PREPL: variants seen among roughly 807,000 people sequenced by gnomAD.
The protein encoded by PREPL is prolyl endopeptidase like, also known as prolyl endopeptidase-like.
In PREPL, 77 loss-of-function variants were observed where a neutral mutation model predicts 70.6. That is an observed-to-expected ratio of 1.09 (90% CI 0.91 to 1.32). The LOEUF (loss-of-function observed/expected upper bound fraction) is 1.32. Ranked by LOEUF, PREPL falls within the 40% of genes most tolerant of loss-of-function variation. PREPL has a pLI of 0.00. For missense variants in PREPL, 1,002 were observed against 778.2 expected (o/e 1.29, Z -3.42); for synonymous variants, 315 against 264.8 (o/e 1.19, Z -1.84).
chr2:44,319,943 A>T lies in PREPL; in HGVS notation c.*1413T>A, dbSNP rs140023191. 189 of 459,184 alleles carry T rather than the reference A, an allele frequency of 4.1e-4. No homozygotes were observed. In the East Asian group the frequency reaches 6.7e-3, roughly 16 times the overall value. 28.4% of individuals were successfully genotyped at this position (459,184 alleles called of 1,614,324 possible). On this transcript the variant is annotated 3_prime_UTR_variant, in exon 14 of 14. Transcript: ENST00000409411. ...TAAAGTGGAGTCAAATTTGATCTCT[A>T]CAGAAACTCTACAATGTAGCAGAGC...
At chr2:44,321,697 C>T (rs1046555757) in intron 13 of PREPL, 130 bp downstream of exon 13, 1 of 1,574,932 alleles carries the variant, frequency 6.3e-7, no homozygotes, top group Non-Finnish European at 8.6e-7. Context: ...CCCTCCCCTC[C>T]TGGGTCTCAC....
intron 1 of PREPL, among the ~76,000 whole-genome samples, chr2:44,355,367 C>T (rs993735197): frequency 2.6e-5 from 4 of 152,056 alleles, no homozygotes; most frequent in East Asian, 3.9e-4. Flanking sequence ...GCCAACATGG[C>T]GAAACCCTGT....
rs149773747 is a variant in PREPL at position 44,348,096 on chromosome 2, C to T, written c.-48-1706G>A. Among the ~76,000 whole-genome samples the T allele has an allele frequency of 3.5e-3, 525 of 152,146 alleles. 2 individuals carry two copies. The highest frequency in any genetic ancestry group is 0.012 in the African/African-American group (486 of 41,508). On this transcript the variant is annotated intron_variant, in intron 1 of 13. Transcript: ENST00000409411. ...TAAGAGACAGGGTCTCACTATGTTG[C>T]CCAGGCTGGACTCAAACTCCTGGGC...
Position 44,329,159 on chromosome 2 carries a change from T to C in PREPL, c.1087-47A>G, listed in dbSNP as rs2033951. The C allele has an allele frequency of 0.76, 1,113,512 of 1,467,264 alleles. 428,969 individuals are homozygous for C. Among genetic ancestry groups the C allele is most frequent in the Non-Finnish European group, 0.8 (848,446 of 1,064,864 alleles). The allele number at this position is 1,467,264 out of a possible 1,614,324, so 90.9% of individuals were successfully genotyped here. A position where few individuals can be genotyped will look rare whatever the true frequency, so the allele number is the denominator to read the frequency against. On this transcript the variant is annotated intron_variant, in intron 8 of 13. Coordinates refer to ENST00000409411, the MANE Select transcript of PREPL (RefSeq NM_001171613.2). ...GTATGTAAAGAAGAGTCTTTTATAA[T>C]AACTGTTTTATCCCAATTTAAAATA... is the stretch of plus-strand genomic sequence containing the variant.
At position 44,319,949 on chromosome 2, in the gene PREPL, ACT is replaced by A. The variant is rs1158947675; in HGVS notation, c.*1405_*1406del. On this transcript the variant is annotated 3_prime_UTR_variant, in exon 14 of 14. Coordinates refer to ENST00000409411, the MANE Select transcript of PREPL (RefSeq NM_001171613.2). Reference sequence around the variant, plus strand: ...GGAGTCAAATTTGATCTCTACAGAAACTCTACAATGTAGCAGAGCACTGTGCG... The same window carrying A: ...GGAGTCAAATTTGATCTCTACAGAAACTACAATGTAGCAGAGCACTGTGCG... The A allele has an allele frequency of 8.5e-6, 4 of 470,512 alleles. No individual in the cohort carries two copies. Among genetic ancestry groups the A allele is most frequent in the East Asian group, 4.0e-5 (1 of 24,730 alleles). 29.1% of individuals were successfully genotyped at this position (470,512 alleles called of 1,614,324 possible).
chr2:44,347,260 C>T (rs1675928579), intron 1 of PREPL: 1 of 152,182 alleles, frequency 6.6e-6, no homozygotes, highest in South Asian at 2.1e-4. Flanking sequence ...CACCTGAGCC[C>T]AGGAGGTTGA....
chr2:44,336,174 A>G (rs1674618366), intron 7 of PREPL, among the ~76,000 whole-genome samples: 1 of 152,210 alleles, frequency 6.6e-6, no homozygotes, highest in Non-Finnish European at 1.5e-5. Flanking sequence ...CAGAACTACT[A>G]TTTGACTCAG....
intron 1 of PREPL, among the ~76,000 whole-genome samples, chr2:44,350,428 A>C (rs1391827362): frequency 6.6e-6 from 1 of 152,134 alleles, no homozygotes; most frequent in Non-Finnish European, 1.5e-5. Flanking sequence ...TTAGGAATAG[A>C]GAGGAACTTC....
At chr2:44,354,578 C>CTT (rs59897288) in intron 1 of PREPL, among the ~76,000 whole-genome samples, 2 of 146,874 alleles carry the variant, frequency 1.4e-5, no homozygotes, top group South Asian at 2.1e-4. Context: ...TTCCTCCTCT[C>CTT]TTTTTTTTTT....
At chr2:44,330,376 G>C (rs960366434) in intron 8 of PREPL, among the ~76,000 whole-genome samples, 1 of 152,122 alleles carries the variant, frequency 6.6e-6, no homozygotes, top group Non-Finnish European at 1.5e-5. Context: ...CAAGAACATG[G>C]TGCTTAACTG....
In PREPL at chr2:44,339,414, T is replaced by C. The variant is rs1176123434; in HGVS notation, c.486-51A>G. ...ATCACAGTTTATTTCAGATGCATGC[T>C]ACCTTGTTAAGGACAGTATCTCAGA... is the stretch of plus-strand genomic sequence containing the variant. On this transcript the variant is annotated intron_variant, in intron 5 of 13. Coordinates refer to ENST00000409411, the MANE Select transcript of PREPL (RefSeq NM_001171613.2). The C allele has an allele frequency of 2.6e-6, 4 of 1,561,172 alleles. No homozygotes were observed. In the South Asian group the frequency reaches 3.4e-5, roughly 13 times the overall value.
At position 44,321,007 on chromosome 2, in the gene PREPL, T is replaced by C; in HGVS notation, c.*349A>G. 3 of 382,440 alleles carry C rather than the reference T, an allele frequency of 7.8e-6. No individual in the cohort carries two copies. Among genetic ancestry groups the C allele is most frequent in the Non-Finnish European group, 1.4e-5 (3 of 208,144 alleles). The allele number at this position is 382,440 out of a possible 1,614,324, so 23.7% of individuals were successfully genotyped here. A position where few individuals can be genotyped will look rare whatever the true frequency, so the allele number is the denominator to read the frequency against. ...CTCACTGCCACAGTGTCTAAAAGCA[T>C]TTGCTAGCAAAGAGGCAGGACACTA... On this transcript the variant is annotated 3_prime_UTR_variant, in exon 14 of 14. Coordinates refer to ENST00000409411, the MANE Select transcript of PREPL (RefSeq NM_001171613.2).
At chr2:44,343,696 T>C (rs961109227) in intron 4 of PREPL, 49 bp downstream of exon 4, 3 of 1,526,806 alleles carry the variant, frequency 2.0e-6, no homozygotes, top group Admixed American at 1.7e-5. Flanking sequence ...GTTTCAAAAG[T>C]GTTACCGTTG....
In PREPL at chr2:44,340,576, G is replaced by A. The variant is rs558096568; in HGVS notation, c.486-1213C>T. Among the ~76,000 whole-genome samples the A allele has an allele frequency of 1.1e-4, 16 of 152,220 alleles. No individual in the cohort carries two copies. In the South Asian group the frequency reaches 3.3e-3, roughly 32 times the overall value. ...TCGTTATTTCTTTTGTGAAATGTGT[G>A]TCTATTTTAAACTTTGAATGTAGCT... On this transcript the variant is annotated intron_variant, in intron 5 of 13. Coordinates refer to ENST00000409411, the MANE Select transcript of PREPL (RefSeq NM_001171613.2).
At position 44,320,638 on chromosome 2, in the gene PREPL, A is replaced by G. The variant is rs1418913167; in HGVS notation, c.*718T>C. The G allele has an allele frequency of 2.5e-6, 4 of 1,612,740 alleles. No homozygotes were observed. The highest frequency in any genetic ancestry group is 3.4e-6 in the Non-Finnish European group (4 of 1,178,808). On this transcript the variant is annotated 3_prime_UTR_variant, in exon 14 of 14. Coordinates refer to ENST00000409411, the MANE Select transcript of PREPL (RefSeq NM_001171613.2). Reference sequence around the variant, plus strand: ...CTGAACATACTGTATACCTCGTGTTAGGCACCTTTATGAAGAGATGAAGAC... The same window carrying G: ...CTGAACATACTGTATACCTCGTGTTGGGCACCTTTATGAAGAGATGAAGAC...
chr2:44,345,413 G>A (rs998567723), intron 2 of PREPL, among the ~76,000 whole-genome samples: 4 of 151,810 alleles, frequency 2.6e-5, no homozygotes, highest in Non-Finnish European at 5.9e-5. Context: ...GTGCAGTGGT[G>A]CAATCTTGGC....
rs114976582 is a variant in PREPL, at chr2:44,351,340, T to C, written c.-48-4950A>G. Among the ~76,000 whole-genome samples the C allele has an allele frequency of 1.7e-3, 257 of 152,196 alleles. No homozygotes were observed. In the Middle Eastern group the frequency reaches 0.027, roughly 16 times the overall value. ...TGGTGATCTCATCCAGTCATGACCT[T>C]AAATACCATTTATATGCTAAGGACT... On this transcript the variant is annotated intron_variant, in intron 1 of 13. Coordinates refer to ENST00000409411, the MANE Select transcript of PREPL (RefSeq NM_001171613.2).
At chr2:44,329,416 T>C (rs1276019750) in intron 8 of PREPL, among the ~76,000 whole-genome samples, 1 of 152,224 alleles carries the variant, frequency 6.6e-6, no homozygotes, top group Non-Finnish European at 1.5e-5. Flanking sequence ...CTACCTACTA[T>C]AATTTTAAAT....
chr2:44,355,100 G>T (rs1417931142), intron 1 of PREPL, among the ~76,000 whole-genome samples: 4 of 152,174 alleles, frequency 2.6e-5, no homozygotes, highest in African/African-American at 9.7e-5. Flanking sequence ...TAATAGCTTT[G>T]TGTCAGTTTA....
Sources: gnomAD v4.1 joint callset for allele counts (sites outside exome capture counted in the v4.1 genomes callset) on GRCh38, gnomAD v4.1.1 for gene constraint, MANE v1.5 for transcripts, NCBI Gene and HGNC (gene_info 2026-07-23, HGNC 2026-07-21) for gene names.